Variants in ARHGEF6 observed in about 807,000 individuals in gnomAD.
ARHGEF6 encodes Rac/Cdc42 guanine nucleotide exchange factor 6, also known as rho guanine nucleotide exchange factor 6.
ARHGEF6 carries 9 observed loss-of-function variants against 70.3 expected under a neutral mutation model. The ratio of observed to expected loss-of-function variants is 0.13; its 90% confidence interval spans 0.08 to 0.22. The LOEUF (loss-of-function observed/expected upper bound fraction) is 0.22. Ranked by LOEUF, ARHGEF6 falls within the 10% of genes least tolerant of loss-of-function variation. The pLI is 1.00. For missense variants in ARHGEF6, 470 were observed against 563.0 expected (o/e 0.83, Z 1.67); for synonymous variants, 201 against 207.8 (o/e 0.97, Z 0.28).
chrX:136,684,685 G>A (rs2076366382), intron 12 of ARHGEF6, among the ~76,000 whole-genome samples: 1 of 110,477 alleles, frequency 9.1e-6, no homozygotes, highest in South Asian at 3.9e-4. Context: ...GCTGCCTATG[G>A]GACATCTCCA....
At chrX:136,724,853 GA>G (rs2076837647) in intron 6 of ARHGEF6, among the ~76,000 whole-genome samples, 1 of 111,493 alleles carries the variant, frequency 9.0e-6, no homozygotes, top group Non-Finnish European at 1.9e-5. Flanking sequence ...AGTATCTGTT[GA>G]AATAAAGAAA....
chrX:136,771,065 AT>A lies in ARHGEF6; in HGVS notation c.249+8348del, dbSNP rs766116744. ...AATACCAAATCAAGAAAACAATCCT[AT>A]TTTTTTATAACACCAAAAATAATAA... On this transcript the variant is annotated intron_variant, in intron 2 of 21. Transcript: ENST00000250617. Among the ~76,000 whole-genome samples, 10 of 112,372 alleles carry A rather than the reference AT, an allele frequency of 8.9e-5. No homozygotes were observed. In the East Asian group the frequency reaches 1.7e-3, roughly 19 times the overall value.
At chrX:136,749,403 T>C (rs1205452414) in intron 2 of ARHGEF6, among the ~76,000 whole-genome samples, 2 of 111,693 alleles carry the variant, frequency 1.8e-5, no homozygotes, top group Admixed American at 1.9e-4. Flanking sequence ...TGTGTGTGCA[T>C]GTGGATACAT....
At chrX:136,731,831 A>T (rs2076938227) in intron 6 of ARHGEF6, among the ~76,000 whole-genome samples, 1 of 112,597 alleles carries the variant, frequency 8.9e-6, no homozygotes, top group Admixed American at 9.4e-5. Context: ...ATTCTTACAT[A>T]CTAGCCAATT....
intron 17 of ARHGEF6, among the ~76,000 whole-genome samples, chrX:136,677,323 C>T (rs2148574093): frequency 8.9e-6 from 1 of 112,182 alleles, no homozygotes; most frequent in East Asian, 2.8e-4. Context: ...AGAAGTAACA[C>T]ACCCACAGCC....
At chrX:136,708,604 A>C in intron 8 of ARHGEF6, 71 bp downstream of exon 8, 1 of 937,808 alleles carries the variant, frequency 1.1e-6, no homozygotes, top group Non-Finnish European at 1.5e-6. Context: ...ATCAAAGGCA[A>C]CAGGTAAAAG....
intron 20 of ARHGEF6, among the ~76,000 whole-genome samples, chrX:136,670,040 A>C (rs1172713857): frequency 4.5e-5 from 5 of 111,786 alleles, no homozygotes; most frequent in Non-Finnish European, 9.4e-5. Flanking sequence ...TAAACTATGC[A>C]GTCTTCCCTC....
At position 136,742,000 on chromosome X, in the gene ARHGEF6, C is replaced by T. The variant is rs765623122; in HGVS notation, c.661+1585G>A. On this transcript the variant is annotated intron_variant, in intron 5 of 21. Transcript: ENST00000250617. ...ACGGATTTTCAACTGCATGGGGGCT[C>T]GGTGCCCTTAATCCCCATGTTGTTC... Among the ~76,000 whole-genome samples, 3 of 111,622 alleles carry T rather than the reference C, an allele frequency of 2.7e-5. No individual in the cohort carries two copies. The South Asian group carries it at 1.1e-3, about 42-fold the overall frequency.
chrX:136,668,848 A>G (rs148089915), intron 21 of ARHGEF6, among the ~76,000 whole-genome samples: 234 of 111,157 alleles, frequency 2.1e-3, no homozygotes, highest in African/African-American at 7.3e-3. Context: ...AAGAAGCTTC[A>G]TCTTTAATCC....
At chrX:136,718,894 T>A (rs1042215196) in intron 6 of ARHGEF6, among the ~76,000 whole-genome samples, 2 of 107,651 alleles carry the variant, frequency 1.9e-5, no homozygotes, top group African/African-American at 6.8e-5. Context: ...AGTAGCTATA[T>A]AAAAGGCCAT....
intron 2 of ARHGEF6, among the ~76,000 whole-genome samples, chrX:136,756,535 G>T (rs1169044016): frequency 1.8e-5 from 2 of 111,658 alleles, no homozygotes; most frequent in Non-Finnish European, 3.8e-5. Context: ...CCCTGTTCAT[G>T]CCTATGCTCT....
intron 6 of ARHGEF6, among the ~76,000 whole-genome samples, chrX:136,717,900 A>G (rs1395821686): frequency 1.8e-5 from 2 of 112,064 alleles, no homozygotes; most frequent in Non-Finnish European, 1.9e-5. Context: ...ATGGAATCAT[A>G]TAAAATGCTC....
At chrX:136,705,075 C>T (rs2076612787) in intron 9 of ARHGEF6, among the ~76,000 whole-genome samples, 1 of 110,969 alleles carries the variant, frequency 9.0e-6, no homozygotes, top group Admixed American at 9.6e-5. Flanking sequence ...CTTGCTCCGT[C>T]AAGTGAAGCC....
At chrX:136,705,181 C>T (rs773136758) in intron 9 of ARHGEF6, among the ~76,000 whole-genome samples, 1 of 109,394 alleles carries the variant, frequency 9.1e-6, no homozygotes, top group South Asian at 4.1e-4. Context: ...CGTGGTGGTG[C>T]GTGCCTGTAA....
intron 5 of ARHGEF6, among the ~76,000 whole-genome samples, chrX:136,735,372 C>G (rs2076975048): frequency 9.0e-6 from 1 of 110,874 alleles, no homozygotes; most frequent in Non-Finnish European, 1.9e-5. Flanking sequence ...CCACTTCTTA[C>G]TCCCGCCATG....
At chrX:136,749,927 T>C (rs1365011017) in intron 2 of ARHGEF6, among the ~76,000 whole-genome samples, 1 of 112,101 alleles carries the variant, frequency 8.9e-6, no homozygotes, top group African/African-American at 3.2e-5. Context: ...CTAAATTGAA[T>C]GATATTGAAA....
chrX:136,737,585 G>A (rs760298912), intron 5 of ARHGEF6: 2 of 644,535 alleles, frequency 3.1e-6, no homozygotes, highest in East Asian at 3.5e-4. Context: ...CGGGCACGGT[G>A]GCTCACCTCT....
At chrX:136,752,578 T>C (rs903716419) in intron 2 of ARHGEF6, among the ~76,000 whole-genome samples, 17 of 112,127 alleles carry the variant, frequency 1.5e-4, no homozygotes, top group African/African-American at 5.5e-4. Flanking sequence ...AGGCATACCC[T>C]ACCCTGGTTC....
At chrX:136,772,473 A>G (rs1296437615) in intron 2 of ARHGEF6, among the ~76,000 whole-genome samples, 1 of 112,744 alleles carries the variant, frequency 8.9e-6, no homozygotes. Context: ...TGGGATTATT[A>G]CACATTGCAT....
Sources: gnomAD v4.1 joint callset for allele counts (sites outside exome capture counted in the v4.1 genomes callset) on GRCh38, gnomAD v4.1.1 for gene constraint, MANE v1.5 for transcripts, NCBI Gene and HGNC (gene_info 2026-07-23, HGNC 2026-07-21) for gene names.